The following TAFA2 variants were observed in gnomAD, a reference collection of about 807,000 sequenced individuals.
The protein encoded by TAFA2 is TAFA chemokine like family member 2, also known as chemokine-like protein TAFA-2.
Under a neutral mutation model 18.8 loss-of-function variants are expected in TAFA2, and 7 were observed. The ratio of observed to expected loss-of-function variants is 0.37; its 90% CI spans 0.21 to 0.70. The LOEUF (loss-of-function observed/expected upper bound fraction) is 0.70, where lower values mean the gene tolerates loss of function less well. Ranked by LOEUF, TAFA2 falls within the 30% of genes least tolerant of loss-of-function variation. TAFA2 has a pLI of 0.53. For missense variants in TAFA2, 122 were observed against 158.1 expected (o/e 0.77, Z 1.23); for synonymous variants, 60 against 54.2 (o/e 1.11, Z -0.47).
chr12:62,205,530 T>A (rs546763646), intron 1 of TAFA2, among the ~76,000 whole-genome samples: 3 of 152,178 alleles, frequency 2.0e-5, no homozygotes, highest in Non-Finnish European at 4.4e-5. Flanking sequence ...CTGGCTGGAA[T>A]TGCTGAAATT....
chr12:61,999,001 C>A (rs951856027), intron 1 of TAFA2, among the ~76,000 whole-genome samples: 2 of 152,202 alleles, frequency 1.3e-5, no homozygotes, highest in African/African-American at 4.8e-5. Context: ...TATAGGGCAT[C>A]TTGCCAAGGA....
intron 1 of TAFA2, among the ~76,000 whole-genome samples, chr12:62,180,199 G>A (rs969313035): frequency 4.6e-5 from 7 of 151,946 alleles, no homozygotes; most frequent in Admixed American, 2.6e-4. Context: ...AATTTTTTAC[G>A]AATTTTCATA....
intron 4 of TAFA2, among the ~76,000 whole-genome samples, chr12:61,713,743 G>T (rs1046632200): frequency 6.6e-6 from 1 of 152,048 alleles, no homozygotes; most frequent in African/African-American, 2.4e-5. Context: ...AACCTTTTAT[G>T]ATTTGTATGC....
intron 4 of TAFA2, among the ~76,000 whole-genome samples, chr12:61,711,173 T>C (rs941645342): frequency 2.0e-5 from 3 of 151,710 alleles, no homozygotes; most frequent in Non-Finnish European, 2.9e-5. Context: ...AATAAACAGA[T>C]AGAATACCTG....
At chr12:62,038,062 CAGAG>C (rs1160913220) in intron 1 of TAFA2, among the ~76,000 whole-genome samples, 1 of 151,990 alleles carries the variant, frequency 6.6e-6, no homozygotes, top group Non-Finnish European at 1.5e-5. Flanking sequence ...ATCAAATACA[CAGAG>C]AGAAATTAAA....
At chr12:62,222,106 A>G (rs557494805) in intron 1 of TAFA2, among the ~76,000 whole-genome samples, 1 of 152,350 alleles carries the variant, frequency 6.6e-6, no homozygotes, top group African/African-American at 2.4e-5. Context: ...TTTCTGTGAT[A>G]GAGGGGTGAA....
chr12:61,976,179 T>C (rs976657604), intron 1 of TAFA2, among the ~76,000 whole-genome samples: 2 of 151,788 alleles, frequency 1.3e-5, no homozygotes, highest in African/African-American at 2.4e-5. Context: ...AGATGAAAAA[T>C]CAAACATGAT....
At chr12:62,170,343 G>C (rs2062469200) in intron 1 of TAFA2, among the ~76,000 whole-genome samples, 1 of 152,206 alleles carries the variant, frequency 6.6e-6, no homozygotes, top group South Asian at 2.1e-4. Context: ...CAATCTCTTT[G>C]AGGAAAGAAA....
Position 61,710,432 on chromosome 12 carries a change from G to C in TAFA2, c.385-15C>G. ...TAATGGGTTACCTACAAAGGAAGGA[G>C]AAAATATAGTCAACATTTCATAACA... On this transcript the variant is annotated splice_polypyrimidine_tract_variant and intron_variant, in intron 4 of 4. Coordinates refer to ENST00000416284, the MANE Select transcript of TAFA2 (RefSeq NM_178539.5). 6.3e-7 allele frequency: 1 copy of C among 1,595,746 alleles called. No homozygotes were observed. The highest frequency in any genetic ancestry group is 2.2e-5 in the East Asian group (1 of 44,728).
chr12:61,794,185 G>A (rs905553692), intron 2 of TAFA2, among the ~76,000 whole-genome samples: 1 of 151,900 alleles, frequency 6.6e-6, no homozygotes, highest in Non-Finnish European at 1.5e-5. Context: ...ACATTTTACT[G>A]GTAGTTCTAA....
rs1869379485 is a variant in TAFA2, at chr12:62,104,919, G to A, written c.-2+86340C>T. On this transcript the variant is annotated intron_variant, in intron 1 of 4. Coordinates refer to ENST00000416284, the MANE Select transcript of TAFA2 (RefSeq NM_178539.5). ...ATGTTTACATTTCAAAACGTTGGCT[G>A]CCAAGTCCTTGAGGGGGTAAACTGA... 48 of 237,380 alleles carry A rather than the reference G, an allele frequency of 2.0e-4. 1 individual carries two copies. The highest frequency in any genetic ancestry group is 1.8e-3 in the South Asian group (45 of 25,120). The allele number at this position is 237,380 out of a possible 1,614,324, so 14.7% of individuals were successfully genotyped here. A position where few individuals can be genotyped will look rare whatever the true frequency, so the allele number is the denominator to read the frequency against.
intron 1 of TAFA2, among the ~76,000 whole-genome samples, chr12:62,065,797 T>A (rs1324289014): frequency 6.6e-6 from 1 of 151,636 alleles, no homozygotes; most frequent in Non-Finnish European, 1.5e-5. Flanking sequence ...AAAAGTAATA[T>A]TTACACCTGT....
rs538558696 is a variant in TAFA2, at chr12:62,171,143, TC to T, written c.-2+20115del. On this transcript the variant is annotated intron_variant, in intron 1 of 4. Transcript: ENST00000416284. Reference sequence around the variant, plus strand: ...CCTTGTTGTTATTATTTTAGTATAATCCCCATTATTATTATTATTATTAACA... The same window carrying T: ...CCTTGTTGTTATTATTTTAGTATAATCCCATTATTATTATTATTATTAACA... Among the ~76,000 whole-genome samples, 949 of 152,190 alleles carry T rather than the reference TC, an allele frequency of 6.2e-3. 4 individuals carry two copies. The highest frequency in any genetic ancestry group is 0.014 in the Middle Eastern group (4 of 292).
intron 1 of TAFA2, among the ~76,000 whole-genome samples, chr12:61,941,511 C>T (rs1012746441): frequency 1.9e-4 from 29 of 152,082 alleles, no homozygotes; most frequent in Admixed American, 7.2e-4. Context: ...AAGCAGAAGA[C>T]GGGTGATTTC....
chr12:62,109,226 TTAAA>T (rs1869609068), intron 1 of TAFA2, among the ~76,000 whole-genome samples: 1 of 152,230 alleles, frequency 6.6e-6, no homozygotes, highest in African/African-American at 2.4e-5. Flanking sequence ...ACACCATTTA[TTAAA>T]TAAAGAATCC....
intron 4 of TAFA2, among the ~76,000 whole-genome samples, chr12:61,734,281 G>A (rs1868267779): frequency 6.8e-6 from 1 of 147,252 alleles, no homozygotes. Flanking sequence ...ACCAAATACC[G>A]CATGTTCTCA....
At chr12:61,767,439 A>C (rs1312113471) in intron 2 of TAFA2, among the ~76,000 whole-genome samples, 1 of 152,140 alleles carries the variant, frequency 6.6e-6, no homozygotes, top group Non-Finnish European at 1.5e-5. Context: ...TCCTGTATCT[A>C]ATTTTGCAGA....
chr12:61,771,399 A>G (rs898789576), intron 2 of TAFA2, among the ~76,000 whole-genome samples: 1 of 152,182 alleles, frequency 6.6e-6, no homozygotes, highest in Non-Finnish European at 1.5e-5. Flanking sequence ...TATTTACAGA[A>G]CACTCTACCC....
intron 1 of TAFA2, among the ~76,000 whole-genome samples, chr12:62,144,683 A>G (rs1444050965): frequency 6.6e-6 from 1 of 152,232 alleles, no homozygotes; most frequent in Non-Finnish European, 1.5e-5. Flanking sequence ...GGCACCCTTA[A>G]TATTTGGCAT....
Sources: gnomAD v4.1 joint callset for allele counts (sites outside exome capture counted in the v4.1 genomes callset) on GRCh38, gnomAD v4.1.1 for gene constraint, MANE v1.5 for transcripts, NCBI Gene and HGNC (gene_info 2026-07-23, HGNC 2026-07-21) for gene names.